FOXN3: variants seen among roughly 807,000 people sequenced by gnomAD.
The protein encoded by FOXN3 is forkhead box protein N3.
FOXN3 carries 7 observed loss-of-function variants against 38.4 expected under a neutral mutation model. The observed-to-expected ratio is 0.18, with a 90% CI of 0.10 to 0.34. FOXN3 has a LOEUF of 0.34. Ranked by LOEUF, FOXN3 falls within the 10% of genes least tolerant of loss-of-function variation. The probability of loss-of-function intolerance (pLI) is 1.00; values close to 1 mark genes in which losing one functional copy is unlikely to be tolerated. For missense variants in FOXN3, 456 were observed against 613.4 expected (o/e 0.74, Z 2.71); for synonymous variants, 230 against 242.2 (o/e 0.95, Z 0.47).
chr14:89,355,622 T>G (rs1889186554), intron 2 of FOXN3, among the ~76,000 whole-genome samples: 1 of 152,222 alleles, frequency 6.6e-6, no homozygotes, highest in Non-Finnish European at 1.5e-5. Context: ...AGCAGCACTG[T>G]TTTAATGGAA....
At chr14:89,275,580 T>C (rs562912420) in intron 4 of FOXN3, among the ~76,000 whole-genome samples, 4 of 152,256 alleles carry the variant, frequency 2.6e-5, no homozygotes, top group South Asian at 2.1e-4. Flanking sequence ...GAGCCTTTCA[T>C]GGCATGAAAG....
intron 4 of FOXN3, among the ~76,000 whole-genome samples, chr14:89,253,709 GCCT>G (rs903042090): frequency 1.8e-4 from 28 of 151,820 alleles, no homozygotes; most frequent in African/African-American, 6.8e-4. Flanking sequence ...TAAATCTTTG[GCCT>G]CCTCCTCCTC....
At chr14:89,612,548 C>A (rs1436625547) in intron 1 of FOXN3, among the ~76,000 whole-genome samples, 1 of 152,146 alleles carries the variant, frequency 6.6e-6, no homozygotes, top group Non-Finnish European at 1.5e-5. Context: ...GTAATCCCAG[C>A]ACTTTGGGAG....
At position 89,471,259 on chromosome 14, in the gene FOXN3, C is replaced by T. The variant is rs982613410; in HGVS notation, c.-14-58769G>A. On this transcript the variant is annotated intron_variant, in intron 1 of 6. Coordinates refer to the FOXN3 transcript ENST00000345097. ...CCCTAGAAAGGACAGTGCTGAAGAGCTGAAGCCACCCTACCTGAGAGTAAT... is the reference window on the plus strand; with the variant it reads ...CCCTAGAAAGGACAGTGCTGAAGAGTTGAAGCCACCCTACCTGAGAGTAAT... Among the ~76,000 whole-genome samples, 10 of 152,168 alleles carry T rather than the reference C, an allele frequency of 6.6e-5. No individual in the cohort carries two copies. In the East Asian group the frequency reaches 1.9e-3, roughly 29 times the overall value.
chr14:89,183,253 C>G (rs1887718984), intron 4 of FOXN3, among the ~76,000 whole-genome samples: 1 of 152,188 alleles, frequency 6.6e-6, no homozygotes, highest in Non-Finnish European at 1.5e-5. Flanking sequence ...ATATCCGTCA[C>G]TAGGGATCTC....
At chr14:89,392,596 C>T (rs537046854) in intron 2 of FOXN3, among the ~76,000 whole-genome samples, 23 of 151,394 alleles carry the variant, frequency 1.5e-4, no homozygotes, top group South Asian at 1.3e-3. Flanking sequence ...TGCCCTCACA[C>T]TCACACGGTG....
At chr14:89,188,246 G>GTT (rs1887859462) in intron 4 of FOXN3, among the ~76,000 whole-genome samples, 1 of 152,210 alleles carries the variant, frequency 6.6e-6, no homozygotes, top group African/African-American at 2.4e-5. Flanking sequence ...GGAAAAAGAA[G>GTT]TATTTACAGT....
At chr14:89,490,844 T>C (rs1291454483) in intron 1 of FOXN3, among the ~76,000 whole-genome samples, 1 of 152,012 alleles carries the variant, frequency 6.6e-6, no homozygotes, top group African/African-American at 2.4e-5. Context: ...TACAAGGTTT[T>C]AAGAATTCAG....
chr14:89,305,215 G>A (rs1379614171), intron 3 of FOXN3, among the ~76,000 whole-genome samples: 2 of 152,180 alleles, frequency 1.3e-5, no homozygotes, highest in African/African-American at 4.8e-5. Context: ...GTCATCGATG[G>A]TGAACTCGCG....
chr14:89,469,000 C>T (rs578178273), intron 1 of FOXN3, among the ~76,000 whole-genome samples: 1 of 152,278 alleles, frequency 6.6e-6, no homozygotes, highest in East Asian at 1.9e-4. Flanking sequence ...CAGCCCCTCT[C>T]CAGAACTGGA....
At chr14:89,299,370 C>A (rs1160591340) in intron 3 of FOXN3, among the ~76,000 whole-genome samples, 3 of 152,232 alleles carry the variant, frequency 2.0e-5, no homozygotes, top group African/African-American at 7.2e-5. Flanking sequence ...GAGGCCTCAC[C>A]AGCCATGTAG....
At chr14:89,276,825 G>A (rs927654356) in intron 4 of FOXN3, among the ~76,000 whole-genome samples, 1 of 152,234 alleles carries the variant, frequency 6.6e-6, no homozygotes, top group African/African-American at 2.4e-5. Context: ...TCCGTGGGGA[G>A]CTCTGAGGCC....
At chr14:89,496,627 G>GTT (rs943992661) in intron 1 of FOXN3, among the ~76,000 whole-genome samples, 7 of 152,152 alleles carry the variant, frequency 4.6e-5, no homozygotes, top group African/African-American at 1.7e-4. Context: ...ACCCCGCAAT[G>GTT]TTTTTATTGT....
At chr14:89,330,710 G>A (rs1888223794) in intron 3 of FOXN3, among the ~76,000 whole-genome samples, 1 of 152,204 alleles carries the variant, frequency 6.6e-6, no homozygotes, top group South Asian at 2.1e-4. Context: ...TGCTGCAATT[G>A]GAAAAATCAG....
intron 1 of FOXN3, among the ~76,000 whole-genome samples, chr14:89,426,063 A>C (rs1379982979): frequency 6.6e-6 from 1 of 152,080 alleles, no homozygotes; most frequent in Admixed American, 6.6e-5. Context: ...AAATGCAAAA[A>C]ATGTGGTACT....
chr14:89,324,245 T>C (rs895361432), intron 3 of FOXN3, among the ~76,000 whole-genome samples: 3 of 152,210 alleles, frequency 2.0e-5, no homozygotes, highest in South Asian at 4.1e-4. Context: ...TCTGTAACTA[T>C]TGTTTTTGAT....
At chr14:89,253,967 G>C (rs7153829) in intron 4 of FOXN3, among the ~76,000 whole-genome samples, 112,830 of 152,118 alleles carry the variant, frequency 0.74, 41,917 homozygotes, top group African/African-American at 0.75. Context: ...CACCCAGCAC[G>C]ATCCCTGGCC....
At chr14:89,520,598 A>G (rs10149561) in intron 1 of FOXN3, among the ~76,000 whole-genome samples, 60,396 of 152,048 alleles carry the variant, frequency 0.4, 12,168 homozygotes, top group Non-Finnish European at 0.43. Context: ...TAAAGACACT[A>G]AAAAGATATT....
chr14:89,511,247 T>TTTTC (rs869191500), intron 1 of FOXN3, among the ~76,000 whole-genome samples: 1,221 of 11,224 alleles, frequency 0.11, 298 homozygotes, highest in Non-Finnish European at 0.26. Flanking sequence ...CTTTTCTTTC[T>TTTTC]TTTCTTTCTT....
Sources: allele counts gnomAD v4.1 joint callset (sites outside exome capture counted in the v4.1 genomes callset), GRCh38; gene constraint gnomAD v4.1.1; transcripts MANE v1.5; gene names NCBI Gene and HGNC (gene_info 2026-07-23, HGNC 2026-07-21).